Variants in MEIG1 observed in about 807,000 individuals in gnomAD.
MEIG1 encodes meiosis expressed gene 1 protein homolog.
Under a neutral mutation model 11.3 loss-of-function variants are expected in MEIG1, and 12 were observed. That is an observed-to-expected ratio of 1.07 (90% confidence interval 0.68 to 1.73). The LOEUF is 1.73. MEIG1 is among the 40% of genes most tolerant of loss of function. The pLI is 0.00. For synonymous variants in MEIG1, 41 were observed against 33.2 expected (o/e 1.24, Z -0.81); for missense variants, 119 against 104.9 (o/e 1.13, Z -0.59).
chr10:14,972,501 CT>C lies in MEIG1; in HGVS notation c.139-10del, dbSNP rs748732556. On this transcript the variant is annotated splice_polypyrimidine_tract_variant and intron_variant, in intron 2 of 2. Transcript: ENST00000407572. ...CCATTGTAACGTTTGTACTCTGGTT[CT>C]TGATGTGCAGGTAGATCGTTGGCCG... 3.1e-6 allele frequency: 5 copies of C among 1,613,862 alleles called. No homozygotes were observed. Among genetic ancestry groups the C allele is most frequent in the Non-Finnish European group, 2.5e-6 (3 of 1,179,864 alleles).
chr10:14,961,301 G>A (rs1843009576), intron 1 of MEIG1, among the ~76,000 whole-genome samples: 1 of 152,164 alleles, frequency 6.6e-6, no homozygotes, highest in Non-Finnish European at 1.5e-5. Context: ...ATTACTGAAT[G>A]CGTATTGCTT....
chr10:14,966,667 T>C, intron 2 of MEIG1, 61 bp downstream of exon 2: 1 of 1,488,184 alleles, frequency 6.7e-7, no homozygotes, highest in Middle Eastern at 1.7e-4. Context: ...CTGAAAAGTA[T>C]TTTATAAACA....
At chr10:14,956,426 A>AT (rs538140182), upstream of MEIG1, among the ~76,000 whole-genome samples, 30 of 151,398 alleles carry the variant, frequency 2.0e-4, no homozygotes, top group South Asian at 5.7e-3. Context: ...TAAAAATAAA[A>AT]AAAAAAATAG....
At chr10:14,972,871 T>C (rs1422873893), downstream of MEIG1, 36 of 344,754 alleles carry the variant, frequency 1.0e-4, no homozygotes, top group Non-Finnish European at 1.9e-4. Flanking sequence ...TTTTGTCCAT[T>C]TTATTTTATT....
At chr10:14,966,418 A>G in intron 1 of MEIG1, 22 bp from the exon 2 acceptor site, 1 of 1,522,202 alleles carries the variant, frequency 6.6e-7, no homozygotes, top group Non-Finnish European at 8.9e-7. Flanking sequence ...TTATCCATTA[A>G]TGTTGTTTTA....
intron 1 of MEIG1, among the ~76,000 whole-genome samples, chr10:14,986,539 C>T (rs1039568093): frequency 5.3e-5 from 8 of 152,146 alleles, no homozygotes; most frequent in Non-Finnish European, 1.2e-4. Flanking sequence ...CACTTGTCTT[C>T]ATTCCCCATC....
intron 2 of MEIG1, among the ~76,000 whole-genome samples, chr10:14,971,496 T>A (rs1256888733): frequency 2.6e-5 from 4 of 151,724 alleles, no homozygotes; most frequent in African/African-American, 7.3e-5. Context: ...TGAGCTATGA[T>A]CACAACACCG....
intron 1 of MEIG1, among the ~76,000 whole-genome samples, chr10:14,960,748 C>G (rs1843003165): frequency 6.6e-6 from 1 of 151,616 alleles, no homozygotes; most frequent in Non-Finnish European, 1.5e-5. Context: ...TGCCCGAGGC[C>G]GGGCGTGGTG....
At chr10:14,956,003 C>G (rs1184601474), upstream of MEIG1, among the ~76,000 whole-genome samples, 2 of 152,170 alleles carry the variant, frequency 1.3e-5, no homozygotes, top group Admixed American at 1.3e-4. Context: ...CACGGTAGAG[C>G]TCCAGGAAAG....
chr10:14,978,327 A>C (rs1224996108), intron 1 of MEIG1, among the ~76,000 whole-genome samples: 1 of 152,000 alleles, frequency 6.6e-6, no homozygotes, highest in African/African-American at 2.4e-5. Context: ...TATTATTCAT[A>C]ATATCCTTGG....
At chr10:14,977,527 C>A (rs1032074581), downstream of MEIG1, among the ~76,000 whole-genome samples, 1 of 151,164 alleles carries the variant, frequency 6.6e-6, no homozygotes, top group African/African-American at 2.4e-5. Context: ...GTACACCCTT[C>A]GATATTATTT....
At chr10:14,960,752 C>G (rs1843003217) in intron 1 of MEIG1, among the ~76,000 whole-genome samples, 1 of 151,650 alleles carries the variant, frequency 6.6e-6, no homozygotes, top group African/African-American at 2.4e-5. Flanking sequence ...CGAGGCCGGG[C>G]GTGGTGGCTC....
At chr10:14,987,817 T>C in exon 3 of MEIG1, 1 of 176,922 alleles carries the variant, frequency 5.7e-6, no homozygotes, top group Non-Finnish European at 1.2e-5. Flanking sequence ...TGAAAGAAAT[T>C]AAGAAGCCGT....
intron 1 of MEIG1, among the ~76,000 whole-genome samples, chr10:14,984,658 C>T (rs1843300407): frequency 6.6e-6 from 1 of 152,018 alleles, no homozygotes; most frequent in African/African-American, 2.4e-5. Context: ...TCGTATGATC[C>T]TTGTAAGATG....
intron 2 of MEIG1, among the ~76,000 whole-genome samples, chr10:14,971,368 A>C (rs1843148506): frequency 3.2e-4 from 2 of 6,254 alleles, no homozygotes; most frequent in Admixed American, 2.6e-3. Context: ...CTGTCTCTAC[A>C]AAAAAAAAAA....
downstream of MEIG1, among the ~76,000 whole-genome samples, chr10:14,973,983 A>G (rs1163214178): frequency 6.6e-6 from 1 of 152,116 alleles, no homozygotes; most frequent in Non-Finnish European, 1.5e-5. Flanking sequence ...TATCGGGATC[A>G]AAGGGAGTAT....
At chr10:14,978,740 A>T (rs1843235196) in intron 1 of MEIG1, among the ~76,000 whole-genome samples, 1 of 152,022 alleles carries the variant, frequency 6.6e-6, no homozygotes, top group Non-Finnish European at 1.5e-5. Context: ...TCCTCATGTC[A>T]CAGGGGCTGT....
At chr10:14,974,823 A>G (rs1307035559), downstream of MEIG1, among the ~76,000 whole-genome samples, 1 of 152,044 alleles carries the variant, frequency 6.6e-6, no homozygotes, top group African/African-American at 2.4e-5. Context: ...AATTAATATT[A>G]ATATTAATAA....
At chr10:14,985,999 A>G (rs11259418) in intron 1 of MEIG1, among the ~76,000 whole-genome samples, 1,854 of 152,108 alleles carry the variant, frequency 0.012, 28 homozygotes, top group African/African-American at 0.036. Flanking sequence ...ATTTTTCATC[A>G]TACTTTAGGG....
Sources: gnomAD v4.1 joint callset for allele counts (sites outside exome capture counted in the v4.1 genomes callset) on GRCh38, gnomAD v4.1.1 for gene constraint, MANE v1.5 for transcripts, NCBI Gene and HGNC (gene_info 2026-07-23, HGNC 2026-07-21) for gene names.